CELF2: variants seen among roughly 807,000 people sequenced by gnomAD.
CELF2 encodes CUG triplet repeat RNA-binding protein 2.
Under a neutral mutation model 62.6 loss-of-function variants are expected in CELF2, and 8 were observed. The ratio of observed to expected loss-of-function variants is 0.13; its 90% CI spans 0.07 to 0.23. CELF2 has a LOEUF of 0.23. Ranked by LOEUF, CELF2 falls within the 10% of genes least tolerant of loss-of-function variation. The pLI, the probability that CELF2 is intolerant of heterozygous loss-of-function variation, is 1.00. For missense variants in CELF2, 333 were observed against 671.0 expected (o/e 0.50, Z 5.56); for synonymous variants, 258 against 250.0 (o/e 1.03, Z -0.30).
chr10:10,846,015 G>A (rs974663568), intron 1 of CELF2: 7 of 606,580 alleles, frequency 1.2e-5, no homozygotes, highest in African/African-American at 1.0e-4. Flanking sequence ...TCTCAGCTTC[G>A]GCATCTGTAA....
At chr10:10,728,120 T>G in the CELF2 span, among the ~76,000 whole-genome samples, 2 of 151,406 alleles carry the variant, frequency 1.3e-5, no homozygotes, top group Non-Finnish European at 2.9e-5. Context: ...AGAATGATTT[T>G]TTTTTTCTGA....
At chr10:11,065,782 T>G (rs572661614) in intron 1 of CELF2, among the ~76,000 whole-genome samples, 90 of 152,044 alleles carry the variant, frequency 5.9e-4, no homozygotes, top group African/African-American at 2.1e-3. Flanking sequence ...GGTACTATGG[T>G]CAGGGTGAGG....
chr10:10,825,969 C>G (rs1172424039), intron 1 of CELF2, among the ~76,000 whole-genome samples: 1 of 152,192 alleles, frequency 6.6e-6, no homozygotes, highest in Non-Finnish European at 1.5e-5. Flanking sequence ...AGCGTATACT[C>G]TCTGCCAGGA....
In CELF2 at chr10:11,076,716, T is replaced by C. The variant is rs1345734610; in HGVS notation, c.74+58553T>C. ...TGTGGATTCATTAGGGAAAAGTTTA[T>C]AGTCAAAGAAGCATTGAGTTGATCT... On this transcript the variant is annotated intron_variant, in intron 1 of 12. Coordinates refer to ENST00000633077, the MANE Select transcript of CELF2 (RefSeq NM_001326342.2). Among the ~76,000 whole-genome samples the C allele has an allele frequency of 2.6e-5, 4 of 152,218 alleles. No individual in the cohort carries two copies. The South Asian group carries it at 6.2e-4, about 24-fold the overall frequency.
At chr10:10,878,562 C>T (rs1316322912) in intron 1 of CELF2, among the ~76,000 whole-genome samples, 3 of 152,138 alleles carry the variant, frequency 2.0e-5, no homozygotes, top group East Asian at 1.9e-4. Context: ...CACACACGTC[C>T]AAGTGGGCAG....
At chr10:10,932,781 G>A (rs947727789) in intron 2 of CELF2, among the ~76,000 whole-genome samples, 3 of 151,956 alleles carry the variant, frequency 2.0e-5, no homozygotes, top group African/African-American at 7.3e-5. Flanking sequence ...TTTTTCATAT[G>A]GCAATTGAAA....
chr10:10,570,934 C>T, the CELF2 span, among the ~76,000 whole-genome samples: 7 of 151,936 alleles, frequency 4.6e-5, no homozygotes, highest in Admixed American at 6.6e-5. Flanking sequence ...GTTGAAAGTG[C>T]GCTCTGAATA....
chr10:11,181,908 C>T (rs1010268055), intron 2 of CELF2, among the ~76,000 whole-genome samples: 2 of 152,198 alleles, frequency 1.3e-5, no homozygotes, highest in African/African-American at 4.8e-5. Context: ...TTTCATGGCA[C>T]GTTGACATGG....
intron 1 of CELF2, among the ~76,000 whole-genome samples, chr10:11,053,057 T>C (rs2064274785): frequency 6.6e-6 from 1 of 152,202 alleles, no homozygotes; most frequent in Admixed American, 6.5e-5. Flanking sequence ...TAAAATTTAT[T>C]TTCTGGAAAA....
At chr10:10,493,969 G>A in the CELF2 span, among the ~76,000 whole-genome samples, 1 of 152,176 alleles carries the variant, frequency 6.6e-6, no homozygotes, top group Non-Finnish European at 1.5e-5. Flanking sequence ...ATCCAAAGCA[G>A]AAGATGTGCT....
chr10:11,116,170 G>A (rs1457770912), intron 1 of CELF2, among the ~76,000 whole-genome samples: 1 of 152,162 alleles, frequency 6.6e-6, no homozygotes, highest in Non-Finnish European at 1.5e-5. Context: ...ATGCTAGATC[G>A]TAGAAATGTA....
At chr10:11,044,688 C>T (rs1179138419) in intron 1 of CELF2, among the ~76,000 whole-genome samples, 5 of 152,180 alleles carry the variant, frequency 3.3e-5, no homozygotes, top group Non-Finnish European at 1.5e-5. Flanking sequence ...ACGATAATAG[C>T]CTTTTATTAC....
chr10:10,554,691 C>A, the CELF2 span, among the ~76,000 whole-genome samples: 1 of 152,030 alleles, frequency 6.6e-6, no homozygotes, highest in East Asian at 1.9e-4. Flanking sequence ...CTCACTCTAC[C>A]CTATTTGGCT....
chr10:10,507,121 G>A, the CELF2 span, among the ~76,000 whole-genome samples: 1 of 152,060 alleles, frequency 6.6e-6, no homozygotes, highest in Admixed American at 6.6e-5. Flanking sequence ...CGCTGTCCTA[G>A]GTTTCAGGCA....
intron 1 of CELF2, among the ~76,000 whole-genome samples, chr10:11,066,316 G>A (rs1372713912): frequency 6.6e-6 from 1 of 151,638 alleles, no homozygotes; most frequent in Non-Finnish European, 1.5e-5. Context: ...AACAGCAATA[G>A]CTCATACTTG....
the CELF2 span, among the ~76,000 whole-genome samples, chr10:10,785,133 T>A: frequency 2.6e-5 from 4 of 152,190 alleles, no homozygotes; most frequent in African/African-American, 9.7e-5. Context: ...CAAGTTTGAG[T>A]TACAGCCAAT....
At chr10:10,701,623 G>GGTT in the CELF2 span, among the ~76,000 whole-genome samples, 4 of 152,204 alleles carry the variant, frequency 2.6e-5, no homozygotes, top group Non-Finnish European at 5.9e-5. Flanking sequence ...ACTATAACCA[G>GGTT]GTTGTTGTTG....
intron 1 of CELF2, among the ~76,000 whole-genome samples, chr10:10,881,964 T>C (rs2133694891): frequency 6.6e-6 from 1 of 152,350 alleles, no homozygotes; most frequent in South Asian, 2.1e-4. Context: ...TTGTATGTAG[T>C]ATTACTGCAT....
the CELF2 span, among the ~76,000 whole-genome samples, chr10:10,543,688 A>G: frequency 6.6e-6 from 1 of 152,092 alleles, no homozygotes; most frequent in African/African-American, 2.4e-5. Flanking sequence ...CTCTTCTAAA[A>G]ATACAAAACT....
Sources: gnomAD v4.1 joint callset for allele counts (sites outside exome capture counted in the v4.1 genomes callset) on GRCh38, gnomAD v4.1.1 for gene constraint, MANE v1.5 for transcripts, NCBI Gene and HGNC (gene_info 2026-07-23, HGNC 2026-07-21) for gene names.